Variants in OTOGL observed in about 807,000 individuals in gnomAD.
OTOGL encodes otogelin like.
In OTOGL, 285 loss-of-function variants were observed where a neutral mutation model predicts 318.5. The ratio of observed to expected loss-of-function variants is 0.89; its 90% CI spans 0.81 to 0.99. The LOEUF is 0.99. Ranked by LOEUF, OTOGL falls within the 50% of genes least tolerant of loss-of-function variation. The pLI, the probability that OTOGL is intolerant of heterozygous loss-of-function variation, is 0.00. For missense variants in OTOGL, 2,899 were observed against 2,845.6 expected (o/e 1.02, Z -0.43); for synonymous variants, 987 against 936.5 (o/e 1.05, Z -0.99).
intron 1 of OTOGL, among the ~76,000 whole-genome samples, chr12:80,129,517 C>T (rs1489048029): frequency 1.3e-5 from 2 of 152,178 alleles, no homozygotes; most frequent in Non-Finnish European, 2.9e-5. Flanking sequence ...TCAACTAATA[C>T]TACTAAGAAG....
At chr12:80,161,234 A>G (rs959698835) in intron 1 of OTOGL, among the ~76,000 whole-genome samples, 2 of 152,106 alleles carry the variant, frequency 1.3e-5, no homozygotes, top group African/African-American at 2.4e-5. Flanking sequence ...CTGTGGAAAT[A>G]AAAAAATTTT....
In OTOGL at chr12:80,377,405, G is replaced by T. The variant is rs145966545; in HGVS notation, c.6861+203G>T. On this transcript the variant is annotated intron_variant, in intron 58 of 58. Transcript: ENST00000547103. ...AGCATAATCAGCAGTTCTGAATGAT[G>T]GTTGCAATCCAGAGGGATAGAAATT... is the stretch of plus-strand genomic sequence containing the variant. Among the ~76,000 whole-genome samples, 6 of 152,208 alleles carry T rather than the reference G, an allele frequency of 3.9e-5. No homozygotes were observed. The East Asian group carries it at 1.2e-3, about 29-fold the overall frequency.
Position 80,377,162 on chromosome 12 carries a change from A to G in OTOGL, c.6821A>G (p.Lys2274Arg), listed in dbSNP as rs1020974694. The G allele has an allele frequency of 1.9e-6, 3 of 1,610,104 alleles. No homozygotes were observed. The African/African-American group carries it at 4.0e-5, about 22-fold the overall frequency. ...EERICQKVII[K>R]SVIRKQDCMS... The stretch of plus-strand genomic sequence containing the variant: ...AGAATATGCCAGAAAGTGATCATTA[A>G]ATCGGTCATAAGGAAACAGGACTGT... The change falls in exon 58 of 59, where the codon AAA becomes AGA. Residue 2274 changes from lysine (K) to arginine (R), a missense_variant. This residue lies in a region of OTOGL where 289 missense variants were observed against 304.6 expected (regional missense o/e 0.95). Transcript: ENST00000547103.
At chr12:80,117,355 T>G (rs1489528080) in intron 1 of OTOGL, among the ~76,000 whole-genome samples, 2 of 152,222 alleles carry the variant, frequency 1.3e-5, no homozygotes, top group African/African-American at 4.8e-5. Context: ...TTAATGGCAG[T>G]AATTATTCAA....
At chr12:80,359,791 G>GT (rs1223775924) in intron 52 of OTOGL, among the ~76,000 whole-genome samples, 1 of 152,006 alleles carries the variant, frequency 6.6e-6, no homozygotes, top group Admixed American at 6.6e-5. Flanking sequence ...TGTGTACACT[G>GT]TATATACATC....
At chr12:80,306,784 T>A (rs28477314) in intron 29 of OTOGL, among the ~76,000 whole-genome samples, 6,678 of 121,844 alleles carry the variant, frequency 0.055, 499 homozygotes, top group African/African-American at 0.18. Context: ...TTTTTTTTTT[T>A]AAATTTTATT....
At chr12:80,174,988 A>T (rs1366627455) in intron 1 of OTOGL, among the ~76,000 whole-genome samples, 2 of 152,154 alleles carry the variant, frequency 1.3e-5, no homozygotes, top group Non-Finnish European at 2.9e-5. Context: ...ATAAAAAAAA[A>T]CTTAATGAGT....
intron 1 of OTOGL, among the ~76,000 whole-genome samples, chr12:80,176,756 T>G (rs533985478): frequency 1.3e-5 from 2 of 152,266 alleles, no homozygotes; most frequent in East Asian, 3.9e-4. Context: ...GGTAAAAACT[T>G]GGGTATAGAA....
intron 1 of OTOGL, among the ~76,000 whole-genome samples, chr12:80,207,914 TAA>T (rs889598975): frequency 2.6e-5 from 4 of 152,224 alleles, no homozygotes; most frequent in African/African-American, 4.8e-5. Context: ...TAATTATACA[TAA>T]GTTAATTATG....
intron 1 of OTOGL, among the ~76,000 whole-genome samples, chr12:80,160,167 C>G (rs1873408521): frequency 6.6e-6 from 1 of 151,968 alleles, no homozygotes; most frequent in African/African-American, 2.4e-5. Context: ...TAGGAAAAAC[C>G]CTTCTAGACA....
intron 1 of OTOGL, among the ~76,000 whole-genome samples, chr12:80,134,702 C>G (rs1035981372): frequency 1.3e-5 from 2 of 152,188 alleles, no homozygotes; most frequent in African/African-American, 4.8e-5. Flanking sequence ...AATCCTCCCC[C>G]TTTCCCACCA....
At position 80,242,223 on chromosome 12, in the gene OTOGL, T is replaced by C. The variant is rs950114583; in HGVS notation, c.1052+2784T>C. 6.6e-5 allele frequency among the ~76,000 whole-genome samples: 10 copies of C among 152,284 alleles called. No homozygotes were observed. The South Asian group carries it at 2.1e-3, about 32-fold the overall frequency. ...ATTAACATTTTTGTCTTTTGAAATGTTGATAGTTTTTAGACTTTGACTTTT... is the reference window on the plus strand; with the variant it reads ...ATTAACATTTTTGTCTTTTGAAATGCTGATAGTTTTTAGACTTTGACTTTT... On this transcript the variant is annotated intron_variant, in intron 11 of 58. Coordinates refer to ENST00000547103, the MANE Select transcript of OTOGL (RefSeq NM_001378609.3).
intron 1 of OTOGL, among the ~76,000 whole-genome samples, chr12:80,127,233 C>T (rs1870909268): frequency 6.6e-6 from 1 of 152,068 alleles, no homozygotes; most frequent in Admixed American, 6.6e-5. Flanking sequence ...TTAGGGCAGG[C>T]CTGGTGGTGA....
intron 18 of OTOGL, among the ~76,000 whole-genome samples, chr12:80,258,492 C>T (rs574707456): frequency 6.6e-6 from 1 of 152,168 alleles, no homozygotes; most frequent in South Asian, 2.1e-4. Flanking sequence ...TATTATCTTG[C>T]TAGATACTGT....
chr12:80,145,435 G>A (rs1299914950), intron 1 of OTOGL, among the ~76,000 whole-genome samples: 1 of 152,036 alleles, frequency 6.6e-6, no homozygotes, highest in Non-Finnish European at 1.5e-5. Context: ...TTTGGTACCA[G>A]TACCATGCTG....
At chr12:80,336,745 GT>G in intron 40 of OTOGL, 51 bp from the exon 41 acceptor site, 1 of 1,459,252 alleles carries the variant, frequency 6.9e-7, no homozygotes, top group Non-Finnish European at 9.3e-7. Flanking sequence ...TCCGAATAAT[GT>G]TTTAAAAAGT....
At chr12:80,239,495 C>A in intron 11 of OTOGL, 56 bp downstream of exon 11, 2 of 1,219,322 alleles carry the variant, frequency 1.6e-6, no homozygotes, top group South Asian at 1.5e-5. Flanking sequence ...AAAGAAGACC[C>A]ACAACTACTT....
chr12:80,145,278 T>A (rs1267536000), intron 1 of OTOGL, among the ~76,000 whole-genome samples: 1 of 151,986 alleles, frequency 6.6e-6, no homozygotes, highest in African/African-American at 2.4e-5. Flanking sequence ...TACATATGGC[T>A]AGCCAGTTTT....
intron 44 of OTOGL, among the ~76,000 whole-genome samples, chr12:80,344,794 TCATTAAACC>T (rs1889053679): frequency 6.6e-6 from 1 of 150,926 alleles, no homozygotes; most frequent in Admixed American, 6.7e-5. Flanking sequence ...ATCAAGATCC[TCATTAAACC>T]CATCACTCTC....
Sources: allele counts gnomAD v4.1 joint callset (sites outside exome capture counted in the v4.1 genomes callset), GRCh38; gene constraint gnomAD v4.1.1; regional missense constraint gnomAD v4.1.1; transcripts MANE v1.5; gene names NCBI Gene and HGNC (gene_info 2026-07-23, HGNC 2026-07-21).